ELP2: variants seen among roughly 807,000 people sequenced by gnomAD.
The protein encoded by ELP2 is elongator complex protein 2.
A neutral mutation model predicts 119.2 loss-of-function variants in ELP2; 90 were observed. The observed-to-expected ratio is 0.75, with a 90% CI of 0.64 to 0.90. The LOEUF (loss-of-function observed/expected upper bound fraction) is 0.90. ELP2 is among the 40% of genes least tolerant of loss of function. ELP2 has a pLI of 0.00. For synonymous variants in ELP2, 339 were observed against 331.0 expected, an observed-to-expected ratio of 1.02 and a Z score of -0.26; for missense variants, 921 against 967.8, an observed-to-expected ratio of 0.95 and a Z score of 0.64.
intron 11 of ELP2, among the ~76,000 whole-genome samples, chr18:36,153,137 G>A (rs2144701817): frequency 6.6e-6 from 1 of 152,316 alleles, no homozygotes; most frequent in South Asian, 2.1e-4. Flanking sequence ...ATAGATAACA[G>A]TGACCAAGGG....
chr18:36,166,191 C>A (rs2090889204), intron 18 of ELP2, among the ~76,000 whole-genome samples: 2 of 129,296 alleles, frequency 1.5e-5, no homozygotes, highest in South Asian at 4.5e-4. Flanking sequence ...AGACTTCGTC[C>A]CCCTGCAAAA....
At chr18:36,134,273 A>G (rs1014696003) in intron 2 of ELP2, among the ~76,000 whole-genome samples, 1 of 152,220 alleles carries the variant, frequency 6.6e-6, no homozygotes, top group Non-Finnish European at 1.5e-5. Context: ...TTTCATAATG[A>G]TATCAAGAAG....
Position 36,145,960 on chromosome 18 carries a change from A to G in ELP2, c.905A>G (p.Gln302Arg), listed in dbSNP as rs749101007. 1.2e-6 allele frequency: 2 copies of G among 1,613,564 alleles called. No individual in the cohort carries two copies. The highest frequency in any genetic ancestry group is 1.7e-5 in the Admixed American group (1 of 60,022). The change falls in exon 10 of 22, where the codon CAG (glutamine) becomes CGG (arginine). Residue 302 changes from glutamine to arginine, a missense_variant. By Grantham distance (43) the Gln-to-Arg change is conservative. Transcript: ENST00000358232. Reference protein sequence around the residue: ...QPVFYKDGVLQQPVRLLSASM... With the variant: ...QPVFYKDGVLRQPVRLLSASM... ...TTTTATTTTTTAGATGGTGTCCTAC[A>G]GCAGCCAGTGAGATTATTATCTGCT...
Position 36,136,397 on chromosome 18 carries a change from A to G in ELP2, c.288+20A>G. 1 of 1,576,690 alleles carries G rather than the reference A, an allele frequency of 6.3e-7. No individual in the cohort carries two copies. Among genetic ancestry groups the G allele is most frequent in the Admixed American group, 1.7e-5 (1 of 59,964 alleles). On this transcript the variant is annotated intron_variant, in intron 3 of 21. Transcript: ENST00000358232. ...AATCAGGTGAGTGGACATGTTTATA[A>G]TCAAGAAATGACTTTTTTTGTTCAT...
intron 16 of ELP2, among the ~76,000 whole-genome samples, chr18:36,160,690 G>T (rs1052227580): frequency 2.0e-5 from 3 of 152,076 alleles, no homozygotes; most frequent in Admixed American, 6.6e-5. Context: ...CTGGTTGAAA[G>T]TAGGAGGTGA....
At position 36,133,242 on chromosome 18, in the gene ELP2, G is replaced by C; in HGVS notation, c.143G>C (p.Arg48Thr). ...ACTGTATTTTCTTCTCTAAAGAAAA[G>C]GGTTGTTGTTACCAACTTGAATGGT... ...CSVVLYDPLK[R>T]VVVTNLNGHT... is the part of the protein sequence containing the mutation. The change falls in exon 2 of 22, where the codon AGG becomes ACG. Residue 48 changes from arginine (R) to threonine (T), a missense_variant. By Grantham distance (71) the Arg-to-Thr change is moderately conservative. Transcript: ENST00000358232. The C allele has an allele frequency of 6.2e-7, 1 of 1,610,878 alleles. No homozygotes were observed. The highest frequency in any genetic ancestry group is 8.5e-7 in the Non-Finnish European group (1 of 1,177,124).
intron 11 of ELP2, among the ~76,000 whole-genome samples, chr18:36,147,664 C>T (rs1168979392): frequency 6.6e-6 from 1 of 151,946 alleles, no homozygotes; most frequent in African/African-American, 2.4e-5. Flanking sequence ...TTCTGCCCCT[C>T]CCCCCGCCTC....
intron 11 of ELP2, among the ~76,000 whole-genome samples, chr18:36,154,010 T>G (rs1254322197): frequency 6.6e-6 from 1 of 151,766 alleles, no homozygotes; most frequent in African/African-American, 2.4e-5. Context: ...CTCCCATTAG[T>G]GCTAACTTTA....
rs757446912 is a variant in ELP2, at chr18:36,156,490, C to T, written c.1300C>T (p.Pro434Ser). ...SQVTWHEIAR[P>S]QIHGYDLKCL... ...GGTGACTTGGCATGAAATTGCAAGGCCTCAGATACATGGGTATGACCTGAA... is the reference window on the plus strand; with the variant it reads ...GGTGACTTGGCATGAAATTGCAAGGTCTCAGATACATGGGTATGACCTGAA... Residue 434 changes from proline to serine, a missense_variant, in exon 13 of 22, where the codon CCT becomes TCT. Transcript: ENST00000358232. 6.2e-7 allele frequency: 1 copy of T among 1,614,050 alleles called. No individual in the cohort carries two copies. Among genetic ancestry groups the T allele is most frequent in the Admixed American group, 1.7e-5 (1 of 60,020 alleles).
At chr18:36,133,952 C>G (rs1158233976) in intron 2 of ELP2, among the ~76,000 whole-genome samples, 6 of 122,328 alleles carry the variant, frequency 4.9e-5, no homozygotes, top group Middle Eastern at 6.7e-3. Flanking sequence ...CTTTGTCACC[C>G]AGGCTGGAGT....
At chr18:36,146,704 G>C (rs963125589) in intron 11 of ELP2, among the ~76,000 whole-genome samples, 2 of 152,092 alleles carry the variant, frequency 1.3e-5, no homozygotes, top group Non-Finnish European at 2.9e-5. Context: ...ATGAATGTCA[G>C]TCATTTATTG....
At chr18:36,151,562 A>G (rs2090400389) in intron 11 of ELP2, among the ~76,000 whole-genome samples, 1 of 151,998 alleles carries the variant, frequency 6.6e-6, no homozygotes, top group African/African-American at 2.4e-5. Context: ...CCTAACACTT[A>G]GGAAAGCTGA....
At chr18:36,133,132 C>G in intron 1 of ELP2, 106 bp from the exon 2 acceptor site, 1 of 786,746 alleles carries the variant, frequency 1.3e-6, no homozygotes, top group Non-Finnish European at 2.2e-6. Context: ...TGATGTAAAC[C>G]TGATCTTTTT....
intron 1 of ELP2, among the ~76,000 whole-genome samples, chr18:36,131,503 G>T (rs146874958): frequency 6.6e-6 from 1 of 152,234 alleles, no homozygotes; most frequent in Non-Finnish European, 1.5e-5. Flanking sequence ...AAGAGGGGCG[G>T]CCATAGGGGT....
At chr18:36,160,872 T>C (rs2090716722) in intron 16 of ELP2, 60 bp from the exon 17 acceptor site, 10 of 1,124,878 alleles carry the variant, frequency 8.9e-6, no homozygotes, top group Non-Finnish European at 1.4e-5. Context: ...CTTTCAAAAA[T>C]TGTGTGGCAT....
intron 11 of ELP2, 50 bp from the exon 12 acceptor site, chr18:36,154,800 G>T (rs761144564): frequency 1.9e-6 from 3 of 1,609,488 alleles, no homozygotes; most frequent in African/African-American, 2.7e-5. Flanking sequence ...CTTTACTTTG[G>T]TGGTAGTCTT....
chr18:36,170,780 G>A, intron 20 of ELP2: 1 of 520,122 alleles, frequency 1.9e-6, no homozygotes, highest in Non-Finnish European at 3.5e-6. Context: ...ATCTTCAGTG[G>A]AACAAGGGTC....
rs2089824378 is a variant in ELP2 at position 36,136,338 on chromosome 18, T to C, written c.249T>C (p.Ser83=). The change falls in exon 3 of 22, where the codon TCT becomes TCC. Residue 83 remains serine (S), a synonymous_variant. Transcript: ENST00000358232. The stretch of plus-strand genomic sequence containing the variant: ...CTACTGAATTAGTTTCTGGAGGATC[T>C]GATAATCAAGTGATTCACTGGGAAA... ...SPSTELVSGG[S]DNQVIHWEIE... 6.2e-7 allele frequency: 1 copy of C among 1,611,842 alleles called. No individual in the cohort carries two copies. Among genetic ancestry groups the C allele is most frequent in the Non-Finnish European group, 8.5e-7 (1 of 1,177,882 alleles).
chr18:36,158,817 T>A lies in ELP2; in HGVS notation c.1465-18T>A. The A allele has an allele frequency of 6.6e-7, 1 of 1,518,092 alleles. No individual in the cohort carries two copies. Among genetic ancestry groups the A allele is most frequent in the Non-Finnish European group, 9.1e-7 (1 of 1,094,410 alleles). The allele number at this position is 1,518,092 out of a possible 1,614,324, so 94.0% of individuals were successfully genotyped here. On this transcript the variant is annotated intron_variant, in intron 13 of 21. Coordinates refer to ENST00000358232, the MANE Select transcript of ELP2 (RefSeq NM_018255.4). The stretch of plus-strand genomic sequence containing the variant: ...AACTTTAGCATTTATAACTTAGATA[T>A]TATATTTTCTATTCTAGCAAGATAG...
Sources: allele counts gnomAD v4.1 joint callset (sites outside exome capture counted in the v4.1 genomes callset), GRCh38; gene constraint gnomAD v4.1.1; transcripts MANE v1.5; gene names NCBI Gene and HGNC (gene_info 2026-07-23, HGNC 2026-07-21).